Variants in PHTF2 observed in about 807,000 individuals in gnomAD.
PHTF2 encodes the protein protein PHTF2.
A neutral mutation model predicts 101.2 loss-of-function variants in PHTF2; 60 were observed. The ratio of observed to expected loss-of-function variants is 0.59; its 90% CI spans 0.48 to 0.73. The LOEUF (loss-of-function observed/expected upper bound fraction) is 0.73. Among genes scored for constraint, PHTF2 ranks in the 30% least tolerant of loss-of-function variants. The pLI, the probability that PHTF2 is intolerant of heterozygous loss-of-function variation, is 0.00. For synonymous variants in PHTF2, 311 were observed against 307.3 expected (o/e 1.01, Z -0.13); for missense variants, 747 against 908.7 (o/e 0.82, Z 2.29).
chr7:77,821,815 T>A (rs913613943), intron 1 of PHTF2, among the ~76,000 whole-genome samples: 2 of 152,022 alleles, frequency 1.3e-5, no homozygotes, highest in African/African-American at 4.8e-5. Flanking sequence ...ACAAGTGATA[T>A]GTTTGCTAGA....
At chr7:77,832,607 G>A (rs1381427101) in intron 1 of PHTF2, among the ~76,000 whole-genome samples, 2 of 152,088 alleles carry the variant, frequency 1.3e-5, no homozygotes, top group African/African-American at 2.4e-5. Flanking sequence ...TTCTAACATC[G>A]TATCTTTGTG....
At chr7:77,908,718 A>G in intron 7 of PHTF2, 75 bp from the exon 7 acceptor site, 1 of 975,886 alleles carries the variant, frequency 1.0e-6, no homozygotes, top group South Asian at 2.4e-5. Context: ...AAAATAATGT[A>G]AAAACAATTT....
intron 11 of PHTF2, among the ~76,000 whole-genome samples, chr7:77,927,923 G>A (rs1162116603): frequency 2.0e-5 from 3 of 152,176 alleles, no homozygotes; most frequent in Admixed American, 6.5e-5. Flanking sequence ...AGCATGCTAG[G>A]TGAAGGAATC....
chr7:77,863,643 G>A (rs1797818896), intron 3 of PHTF2, among the ~76,000 whole-genome samples: 1 of 151,060 alleles, frequency 6.6e-6, no homozygotes, highest in South Asian at 2.1e-4. Context: ...ATTACACATG[G>A]ATTATTAAAG....
chr7:77,900,777 A>G (rs1801316271), exon 6 of PHTF2: 8 of 1,501,846 alleles, frequency 5.3e-6, no homozygotes, highest in Non-Finnish European at 7.4e-6. Context: ...TGATCTTGTA[A>G]GAGGTGAGTC....
intron 1 of PHTF2, among the ~76,000 whole-genome samples, chr7:77,839,919 A>G (rs556526568): frequency 6.6e-6 from 1 of 152,334 alleles, no homozygotes; most frequent in African/African-American, 2.4e-5. Context: ...TAGATGAACA[A>G]TTTCTGGTAT....
At chr7:77,932,386 G>C (rs1377500256) in intron 12 of PHTF2, among the ~76,000 whole-genome samples, 1 of 152,068 alleles carries the variant, frequency 6.6e-6, no homozygotes, top group Non-Finnish European at 1.5e-5. Flanking sequence ...GGAGGATAAG[G>C]ATGAGTGCAT....
At chr7:77,824,190 G>T (rs988211843) in intron 1 of PHTF2, among the ~76,000 whole-genome samples, 1 of 151,988 alleles carries the variant, frequency 6.6e-6, no homozygotes, top group Non-Finnish European at 1.5e-5. Context: ...AAGATTCTAG[G>T]GTTCTTTGTT....
exon 1 of PHTF2, chr7:77,798,912 C>G (rs879683899): frequency 2.0e-5 from 3 of 152,668 alleles, no homozygotes; most frequent in Non-Finnish European, 4.4e-5. Flanking sequence ...GCGGCGCTAG[C>G]TTCGGAGTCT....
intron 6 of PHTF2, among the ~76,000 whole-genome samples, chr7:77,901,218 A>G (rs909372836): frequency 6.6e-6 from 1 of 152,254 alleles, no homozygotes; most frequent in Non-Finnish European, 1.5e-5. Context: ...ATTCAATATC[A>G]GATTTGAATG....
chr7:77,884,295 A>G (rs932085977), intron 3 of PHTF2, among the ~76,000 whole-genome samples: 7 of 152,188 alleles, frequency 4.6e-5, no homozygotes, highest in African/African-American at 1.7e-4. Flanking sequence ...TGAATTATAT[A>G]GTGATGAAGT....
At chr7:77,841,832 A>G (rs574792014) in intron 2 of PHTF2, among the ~76,000 whole-genome samples, 1 of 152,364 alleles carries the variant, frequency 6.6e-6, no homozygotes, top group Non-Finnish European at 1.5e-5. Flanking sequence ...AGTTAAGGAA[A>G]ACAAAACAAA....
chr7:77,920,194 A>G, intron 9 of PHTF2, 85 bp from the exon 9 acceptor site: 2 of 676,112 alleles, frequency 3.0e-6, no homozygotes, highest in South Asian at 4.1e-5. Context: ...TATCTGATGT[A>G]ATTATTAACA....
At chr7:77,870,350 A>T (rs1476527908) in intron 3 of PHTF2, among the ~76,000 whole-genome samples, 1 of 151,948 alleles carries the variant, frequency 6.6e-6, no homozygotes, top group East Asian at 1.9e-4. Context: ...TCACACTATC[A>T]CAAGGTCTCA....
chr7:77,923,866 G>A (rs1051428582), intron 11 of PHTF2: 12 of 981,000 alleles, frequency 1.2e-5, no homozygotes, highest in African/African-American at 1.1e-4. Context: ...TATTTTAAAC[G>A]ATTGAGTTTC....
chr7:77,863,205 C>T (rs539020001), intron 3 of PHTF2, among the ~76,000 whole-genome samples: 4 of 152,198 alleles, frequency 2.6e-5, no homozygotes, highest in African/African-American at 7.2e-5. Flanking sequence ...GTGATGGATT[C>T]GAATTACAAA....
At chr7:77,873,985 C>T (rs1402669335) in intron 3 of PHTF2, among the ~76,000 whole-genome samples, 2 of 152,206 alleles carry the variant, frequency 1.3e-5, no homozygotes, top group Non-Finnish European at 2.9e-5. Context: ...GTATCTGCTT[C>T]TGAAGCCAGG....
At chr7:77,893,837 G>GT (rs1405362589) in intron 4 of PHTF2, 145 bp from the exon 4 acceptor site, 9 of 703,184 alleles carry the variant, frequency 1.3e-5, no homozygotes, top group Non-Finnish European at 2.2e-5. Flanking sequence ...CCTGATGTTG[G>GT]TTTTTTCTTT....
chr7:77,954,610 GTGTATATATATATA>G lies in PHTF2; in HGVS notation c.2338-246_2338-233del, dbSNP rs1271298159. Among the ~76,000 whole-genome samples, 214 of 82,530 alleles carry G rather than the reference GTGTATATATATATA, an allele frequency of 2.6e-3. 2 individuals are homozygous for G. The highest frequency in any genetic ancestry group is 3.7e-3 in the Non-Finnish European group (165 of 45,084). 54.1% of individuals were successfully genotyped at this position (82,530 alleles called of 152,430 possible). A position where few individuals can be genotyped will look rare whatever the true frequency, so the allele number is the denominator to read the frequency against. On this transcript the variant is annotated intron_variant, in intron 19 of 19. Transcript: ENST00000416283. ...AAGATAATCATATTAAACAAGTACT[GTGTATATATATATA>G]TATATATATATATATATATATAGCC...
Sources: allele counts gnomAD v4.1 joint callset (sites outside exome capture counted in the v4.1 genomes callset), GRCh38; gene constraint gnomAD v4.1.1; transcripts MANE v1.5; gene names NCBI Gene and HGNC (gene_info 2026-07-23, HGNC 2026-07-21).